SLC25A31: variants seen among roughly 807,000 people sequenced by gnomAD.
The protein encoded by SLC25A31 is ADP/ATP translocase 4.
In SLC25A31, 40 loss-of-function variants were observed where a neutral mutation model predicts 36.2. The observed-to-expected ratio is 1.10, with a 90% CI of 0.86 to 1.44. SLC25A31 has a LOEUF of 1.44. SLC25A31 is among the 40% of genes most tolerant of loss of function. The pLI, the probability that SLC25A31 is intolerant of heterozygous loss-of-function variation, is 0.00. For missense variants in SLC25A31, 350 were observed against 397.1 expected (o/e 0.88, Z 1.01); for synonymous variants, 143 against 149.7 (o/e 0.96, Z 0.32).
Position 127,761,255 on chromosome 4 carries a change from T to C in SLC25A31, c.361-2988T>C, listed in dbSNP as rs994218673. Among the ~76,000 whole-genome samples, 7 of 152,314 alleles carry C rather than the reference T, an allele frequency of 4.6e-5. No homozygotes were observed. The East Asian group carries it at 1.3e-3, about 29-fold the overall frequency. ...ATCAGAAGTGTCCTGGTTTGAATGA[T>C]AAATTACATGATTATCCACGCCAAA... On this transcript the variant is annotated intron_variant, in intron 2 of 5. Coordinates refer to ENST00000281154, the MANE Select transcript of SLC25A31 (RefSeq NM_031291.4).
In SLC25A31 at chr4:127,731,066, G is replaced by A. The variant is rs148659571; in HGVS notation, c.232+289G>A. On this transcript the variant is annotated intron_variant, in intron 1 of 5. Transcript: ENST00000281154. ...CCTTGGTGCACCTGTGCCAGGTCCA[G>A]AAGGAGAGTGGTTGACCTCCCAGGA... 9.2e-5 allele frequency among the ~76,000 whole-genome samples: 14 copies of A among 152,346 alleles called. No homozygotes were observed. The East Asian group carries it at 2.5e-3, about 27-fold the overall frequency.
intron 2 of SLC25A31, among the ~76,000 whole-genome samples, chr4:127,756,537 TTAATAA>T (rs1165804282): frequency 5.3e-5 from 8 of 152,164 alleles, no homozygotes; most frequent in Admixed American, 5.2e-4. Flanking sequence ...GAGACTGTAG[TTAATAA>T]TAATGTATAT....
intron 2 of SLC25A31, among the ~76,000 whole-genome samples, chr4:127,747,738 C>A (rs977232909): frequency 6.6e-6 from 1 of 152,128 alleles, no homozygotes; most frequent in African/African-American, 2.4e-5. Flanking sequence ...AAGCTGACAG[C>A]TCTAATAATT....
chr4:127,751,302 G>A (rs547271820), intron 2 of SLC25A31, among the ~76,000 whole-genome samples: 1 of 152,246 alleles, frequency 6.6e-6, no homozygotes, highest in South Asian at 2.1e-4. Context: ...TAACAAACCT[G>A]ACAAAAACAA....
At chr4:127,760,751 T>C (rs942426335) in intron 2 of SLC25A31, among the ~76,000 whole-genome samples, 35 of 152,210 alleles carry the variant, frequency 2.3e-4, no homozygotes, top group Admixed American at 1.6e-3. Flanking sequence ...CTTTTAACAA[T>C]ATAGTAGGCC....
intron 1 of SLC25A31, among the ~76,000 whole-genome samples, chr4:127,743,574 C>G (rs1731771277): frequency 6.6e-6 from 1 of 152,134 alleles, no homozygotes. Flanking sequence ...AGTGAATGCT[C>G]AGTAAGTAGT....
intron 2 of SLC25A31, among the ~76,000 whole-genome samples, chr4:127,756,642 A>G (rs1305523582): frequency 6.6e-6 from 1 of 152,236 alleles, no homozygotes; most frequent in African/African-American, 2.4e-5. Context: ...TGGCCACTCA[A>G]CAATATAAAT....
rs146870101 is a variant in SLC25A31, at chr4:127,755,799, C to T, written c.361-8444C>T. Among the ~76,000 whole-genome samples, 543 of 152,228 alleles carry T rather than the reference C, an allele frequency of 3.6e-3. 1 individual carries two copies. The highest frequency in any genetic ancestry group is 5.2e-3 in the Non-Finnish European group (357 of 68,004). On this transcript the variant is annotated intron_variant, in intron 2 of 5. Transcript: ENST00000281154. ...CTATAATCCCAGCACTTTGATAGGC[C>T]AAGGCGGGCGGATCACCTGAGGTCA...
At chr4:127,743,291 C>T (rs904832460) in intron 1 of SLC25A31, among the ~76,000 whole-genome samples, 5 of 152,062 alleles carry the variant, frequency 3.3e-5, no homozygotes, top group African/African-American at 7.2e-5. Context: ...CCACGGCACA[C>T]GGCTAATTTA....
chr4:127,768,794 T>C lies in SLC25A31; in HGVS notation c.676T>C (p.Phe226Leu). 1.2e-6 allele frequency: 2 copies of C among 1,606,766 alleles called. No homozygotes were observed. Among genetic ancestry groups the C allele is most frequent in the Non-Finnish European group, 1.7e-6 (2 of 1,176,434 alleles). Residue 226 changes from phenylalanine (F) to leucine (L), a missense_variant, in exon 5 of 6, where the codon TTT becomes CTT. Phe to Leu is a conservative substitution (Grantham distance 22). Transcript: ENST00000281154. ...AAAGAAAACTCCATTTCTTGTCTCC[T>C]TTTTCATTGCTCAAGTTGTGACTAC... Reference protein sequence around the residue: ...KPKKTPFLVSFFIAQVVTTCS... With the variant: ...KPKKTPFLVSLFIAQVVTTCS...
intron 2 of SLC25A31, among the ~76,000 whole-genome samples, chr4:127,763,899 A>C (rs1732189084): frequency 6.6e-6 from 1 of 152,106 alleles, no homozygotes; most frequent in South Asian, 2.1e-4. Flanking sequence ...TATTATTAAG[A>C]ATTATGTAGC....
At position 127,768,939 on chromosome 4, in the gene SLC25A31, A is replaced by T. The variant is rs564530720; in HGVS notation, c.759+62A>T. 1.1e-5 allele frequency: 16 copies of T among 1,442,714 alleles called. No individual in the cohort carries two copies. In the African/African-American group the frequency reaches 2.0e-4, roughly 18 times the overall value. 89.4% of individuals were successfully genotyped at this position (1,442,714 alleles called of 1,614,324 possible). A position where few individuals can be genotyped will look rare whatever the true frequency, so the allele number is the denominator to read the frequency against. On this transcript the variant is annotated intron_variant, in intron 5 of 5. Transcript: ENST00000281154. ...TTTAATATCTCTGATATTTAGGTAT[A>T]ATCAAATTTAAGAGAAATGTTGGCT...
chr4:127,773,466 T>C lies in SLC25A31; in HGVS notation c.840T>C (p.Phe280=). Reference sequence around the variant, plus strand: ...ACCAACATGAAGGAATCAGTTCCTTTTTTCGTGGCGCCTTCTCCAATGTTC... The same window carrying C: ...ACCAACATGAAGGAATCAGTTCCTTCTTTCGTGGCGCCTTCTCCAATGTTC... ...KIYQHEGISS[F]FRGAFSNVLR... Residue 280 remains phenylalanine (F), a synonymous_variant, in exon 6 of 6, where the codon TTT becomes TTC. Transcript: ENST00000281154. 6.2e-7 allele frequency: 1 copy of C among 1,614,124 alleles called. No homozygotes were observed. Among genetic ancestry groups the C allele is most frequent in the Non-Finnish European group, 8.5e-7 (1 of 1,180,008 alleles).
At chr4:127,762,881 G>T (rs1239699355) in intron 2 of SLC25A31, among the ~76,000 whole-genome samples, 1 of 150,320 alleles carries the variant, frequency 6.7e-6, no homozygotes, top group African/African-American at 2.5e-5. Flanking sequence ...CCAAGATCTC[G>T]CCACTGCACT....
chr4:127,770,135 CTTAGAG>C (rs1351217281), intron 5 of SLC25A31, among the ~76,000 whole-genome samples: 1 of 152,162 alleles, frequency 6.6e-6, no homozygotes, highest in Non-Finnish European at 1.5e-5. Context: ...AGGGATAATA[CTTAGAG>C]TTATTCCATT....
chr4:127,731,093 T>A (rs1015755746), intron 1 of SLC25A31, among the ~76,000 whole-genome samples: 6 of 152,326 alleles, frequency 3.9e-5, no homozygotes, highest in Middle Eastern at 3.4e-3. Flanking sequence ...CTCCCAGGAT[T>A]GAGGGAGATG....
At chr4:127,748,014 A>G (rs1226021168) in intron 2 of SLC25A31, among the ~76,000 whole-genome samples, 2 of 152,192 alleles carry the variant, frequency 1.3e-5, no homozygotes, top group African/African-American at 4.8e-5. Context: ...ACAACACGTG[A>G]TGTGTTGCCA....
chr4:127,774,188 AAAAT>A lies in SLC25A31; in HGVS notation c.*622_*625del, dbSNP rs761887018. On this transcript the variant is annotated 3_prime_UTR_variant, in exon 6 of 6. Transcript: ENST00000281154. ...GGCTTATCTGCTGATGTTTATCTTTAAAATAAATAAAATCTTGCTAGTGTGAATA... is the reference window on the plus strand; with the variant it reads ...GGCTTATCTGCTGATGTTTATCTTTAAAATAAAATCTTGCTAGTGTGAATA... 2.0e-5 allele frequency: 3 copies of A among 152,340 alleles called. No homozygotes were observed. Among genetic ancestry groups the A allele is most frequent in the South Asian group, 4.1e-4 (2 of 4,832 alleles). The allele number at this position is 152,340 out of a possible 1,614,324, so 9.4% of individuals were successfully genotyped here.
At chr4:127,731,906 TG>T (rs1731534711) in intron 1 of SLC25A31, among the ~76,000 whole-genome samples, 2 of 152,172 alleles carry the variant, frequency 1.3e-5, no homozygotes, top group South Asian at 4.1e-4. Flanking sequence ...AAAATAAAGA[TG>T]GGATCAGTAT....
Sources: allele counts gnomAD v4.1 joint callset (sites outside exome capture counted in the v4.1 genomes callset), GRCh38; gene constraint gnomAD v4.1.1; transcripts MANE v1.5; gene names NCBI Gene and HGNC (gene_info 2026-07-23, HGNC 2026-07-21).